BCAS3: variants seen among roughly 807,000 people sequenced by gnomAD.
The protein encoded by BCAS3 is BCAS3 microtubule associated cell migration factor.
Under a neutral mutation model 116.1 loss-of-function variants are expected in BCAS3, and 53 were observed. The observed-to-expected ratio is 0.46, with a 90% CI of 0.37 to 0.57. BCAS3 has a LOEUF of 0.57. BCAS3 is among the 20% of genes least tolerant of loss of function. The pLI, the probability that BCAS3 is intolerant of heterozygous loss-of-function variation, is 0.00. For missense variants in BCAS3, 917 were observed against 1,165.4 expected, an observed-to-expected ratio of 0.79 and a Z score of 3.10; for synonymous variants, 391 against 408.2, an observed-to-expected ratio of 0.96 and a Z score of 0.51.
intron 5 of BCAS3, among the ~76,000 whole-genome samples, chr17:60,742,384 T>A (rs2144232993): frequency 6.7e-6 from 1 of 150,056 alleles, no homozygotes; most frequent in South Asian, 2.1e-4. Flanking sequence ...CACAAAGTAA[T>A]CTATTCAGCA....
chr17:61,165,769 A>G (rs1601676715), intron 22 of BCAS3, among the ~76,000 whole-genome samples: 1 of 152,170 alleles, frequency 6.6e-6, no homozygotes, highest in African/African-American at 2.4e-5. Flanking sequence ...TATTTTTTCA[A>G]AAGTTATTCT....
At chr17:60,885,876 C>T (rs2056592960) in intron 9 of BCAS3, among the ~76,000 whole-genome samples, 2 of 147,294 alleles carry the variant, frequency 1.4e-5, no homozygotes, top group South Asian at 4.3e-4. Flanking sequence ...CTGCCCTTAA[C>T]ATTTTTTCCT....
At chr17:61,357,855 G>A (rs1362940043) in intron 22 of BCAS3, among the ~76,000 whole-genome samples, 6 of 151,808 alleles carry the variant, frequency 4.0e-5, no homozygotes, top group Non-Finnish European at 5.9e-5. Context: ...TTGGGAGGCC[G>A]AGACGGGTGG....
intron 22 of BCAS3, among the ~76,000 whole-genome samples, chr17:61,257,678 G>C (rs929033578): frequency 6.6e-6 from 1 of 152,146 alleles, no homozygotes; most frequent in Admixed American, 6.5e-5. Flanking sequence ...GTAACATTAT[G>C]TAGAGGGAGG....
chr17:60,949,467 T>C (rs1217861945), intron 14 of BCAS3, among the ~76,000 whole-genome samples: 1 of 151,860 alleles, frequency 6.6e-6, no homozygotes, highest in Admixed American at 6.6e-5. Flanking sequence ...GACACTATGT[T>C]GTCTCACTGT....
intron 5 of BCAS3, among the ~76,000 whole-genome samples, chr17:60,737,293 A>G (rs1486819572): frequency 6.6e-6 from 1 of 151,984 alleles, no homozygotes; most frequent in Non-Finnish European, 1.5e-5. Flanking sequence ...TTTCTTTTTC[A>G]ATTAGCTTGG....
Position 61,261,604 on chromosome 17 carries a change from A to G in BCAS3, c.2426-106723A>G, listed in dbSNP as rs1394663326. ...CTAGTTTCAAAAGCTAAAATGGTAAATCATGTGGTGTTTGATGTGACCATC... is the reference window on the plus strand; with the variant it reads ...CTAGTTTCAAAAGCTAAAATGGTAAGTCATGTGGTGTTTGATGTGACCATC... On this transcript the variant is annotated intron_variant, in intron 22 of 23. Transcript: ENST00000407086. The surrounding 1 kb of genome is among the most constrained non-coding windows in gnomAD (Gnocchi z 4.4). 6.6e-6 allele frequency among the ~76,000 whole-genome samples: 1 copy of G among 152,196 alleles called. No individual in the cohort carries two copies. The highest frequency in any genetic ancestry group is 1.5e-5 in the Non-Finnish European group (1 of 68,032).
At chr17:60,685,847 A>G (rs943619340) in intron 3 of BCAS3, among the ~76,000 whole-genome samples, 1 of 151,914 alleles carries the variant, frequency 6.6e-6, no homozygotes, top group African/African-American at 2.4e-5. Flanking sequence ...GGAAAGCAAT[A>G]ATAGGAGTAA....
chr17:61,087,093 T>A lies in BCAS3; in HGVS notation c.2425+2529T>A. 2 of 984,804 alleles carry A rather than the reference T, an allele frequency of 2.0e-6. No individual in the cohort carries two copies. The highest frequency in any genetic ancestry group is 2.4e-6 in the Non-Finnish European group (2 of 829,352). 61.0% of individuals were successfully genotyped at this position (984,804 alleles called of 1,614,324 possible). A position where few individuals can be genotyped will look rare whatever the true frequency, so the allele number is the denominator to read the frequency against. On this transcript the variant is annotated intron_variant, in intron 22 of 23. Transcript: ENST00000407086. This position sits in a 1 kb window ranked among gnomAD's most constrained non-coding sequence, Gnocchi z 4.6. ...ATTTATGGGAAAATTTTGTTGTAGA[T>A]TCTTCTGTTAAAAAGAATCTAATAA...
At chr17:60,861,494 C>G (rs564803949) in intron 7 of BCAS3, among the ~76,000 whole-genome samples, 2 of 152,086 alleles carry the variant, frequency 1.3e-5, no homozygotes, top group African/African-American at 4.8e-5. Context: ...CTTTCTCTTT[C>G]CTGATTGCTC....
intron 5 of BCAS3, among the ~76,000 whole-genome samples, chr17:60,729,972 AT>A (rs2040297992): frequency 6.6e-6 from 1 of 152,328 alleles, no homozygotes; most frequent in South Asian, 2.1e-4. Context: ...GTGGTTTTAC[AT>A]TAACATCTAC....
In BCAS3 at chr17:61,364,986, T is replaced by C. The variant is rs1358322291; in HGVS notation, c.2426-3341T>C. Among the ~76,000 whole-genome samples the C allele has an allele frequency of 6.6e-6, 1 of 152,208 alleles. No homozygotes were observed. The highest frequency in any genetic ancestry group is 1.5e-5 in the Non-Finnish European group (1 of 68,036). On this transcript the variant is annotated intron_variant, in intron 22 of 23. Coordinates refer to ENST00000407086, the MANE Select transcript of BCAS3 (RefSeq NM_017679.5). The surrounding 1 kb of genome is among the most constrained non-coding windows in gnomAD (Gnocchi z 5.4). ...GCATACATATTTGTCATTAAGAACA[T>C]ATACATGAACACACCTATTACATAC... is the stretch of plus-strand genomic sequence containing the variant.
rs184627983 is a variant in BCAS3 at position 61,093,069 on chromosome 17, G to A, written c.2425+8505G>A. On this transcript the variant is annotated intron_variant, in intron 22 of 23. Coordinates refer to ENST00000407086, the MANE Select transcript of BCAS3 (RefSeq NM_017679.5). ...CTACAGGTGCCCACTACCACGCCCA[G>A]CTAATTTTTTGTATTTTTAGTAGAG... Among the ~76,000 whole-genome samples, 180 of 151,692 alleles carry A rather than the reference G, an allele frequency of 1.2e-3. 1 individual carries two copies. Among genetic ancestry groups the A allele is most frequent in the African/African-American group, 3.6e-3 (151 of 41,376 alleles).
Sources: gnomAD v4.1 joint callset for allele counts (sites outside exome capture counted in the v4.1 genomes callset) on GRCh38, gnomAD v4.1.1 for gene constraint, Gnocchi (gnomAD v3.1) non-coding constraint, MANE v1.5 for transcripts, NCBI Gene and HGNC (gene_info 2026-07-23, HGNC 2026-07-21) for gene names.